Variants in CNTN6 observed in about 807,000 individuals in gnomAD.
CNTN6 encodes the protein contactin-6.
CNTN6 carries 137 observed loss-of-function variants against 122.8 expected under a neutral mutation model. The ratio of observed to expected loss-of-function variants is 1.12; its 90% CI spans 0.97 to 1.29. CNTN6 has a LOEUF of 1.29. CNTN6 is among the 50% of genes most tolerant of loss of function. CNTN6 has a pLI of 0.00. For synonymous variants in CNTN6, 570 were observed against 426.0 expected (o/e 1.34, Z -4.16); for missense variants, 1,634 against 1,223.4 (o/e 1.34, Z -5.01).
At chr3:1,383,619 T>G (rs1158137078) in intron 19 of CNTN6, among the ~76,000 whole-genome samples, 2 of 151,922 alleles carry the variant, frequency 1.3e-5, no homozygotes, top group Non-Finnish European at 2.9e-5. Flanking sequence ...CAAGACAGAA[T>G]TCGAGAGTGA....
At chr3:1,333,502 G>A (rs555005635) in intron 11 of CNTN6, among the ~76,000 whole-genome samples, 1 of 152,108 alleles carries the variant, frequency 6.6e-6, no homozygotes, top group East Asian at 1.9e-4. Flanking sequence ...TAGGAAAAAA[G>A]TTCAAAATTT....
At chr3:1,323,506 A>G (rs1181515225) in intron 8 of CNTN6, among the ~76,000 whole-genome samples, 4 of 151,766 alleles carry the variant, frequency 2.6e-5, no homozygotes, top group African/African-American at 9.7e-5. Flanking sequence ...AGTGCTTTCA[A>G]AAGAAAAGAG....
At chr3:1,125,566 A>G (rs2092130863) in intron 1 of CNTN6, among the ~76,000 whole-genome samples, 2 of 151,856 alleles carry the variant, frequency 1.3e-5, no homozygotes, top group African/African-American at 2.4e-5. Context: ...AATAAAAATG[A>G]CTACTAACCA....
chr3:1,102,853 A>T (rs34055113), intron 1 of CNTN6, among the ~76,000 whole-genome samples: 1,645 of 150,878 alleles, frequency 0.011, 53 homozygotes, highest in African/African-American at 0.038. Context: ...CACGCCTGTA[A>T]TCCCAGCACT....
chr3:1,272,824 C>T (rs777315557), intron 4 of CNTN6, among the ~76,000 whole-genome samples: 2 of 152,160 alleles, frequency 1.3e-5, no homozygotes, highest in Non-Finnish European at 2.9e-5. Context: ...TTTAATTAGG[C>T]TGAGATTCAT....
At chr3:1,351,729 C>G (rs1207281171) in intron 11 of CNTN6, among the ~76,000 whole-genome samples, 3 of 151,764 alleles carry the variant, frequency 2.0e-5, no homozygotes, top group Non-Finnish European at 2.9e-5. Context: ...CCCATGAAGC[C>G]TTATTCTTTC....
rs1267992607 is a variant in CNTN6 at position 1,278,520 on chromosome 3, T to C, written c.454+12T>C. The C allele has an allele frequency of 1.9e-6, 3 of 1,597,938 alleles. No individual in the cohort carries two copies. The highest frequency in any genetic ancestry group is 2.6e-6 in the Non-Finnish European group (3 of 1,167,274). ...GCCACATTTTGGAGGTATGATGGGG[T>C]GATTTGGGTCATATCATCAATGCGG... On this transcript the variant is annotated intron_variant, in intron 5 of 22. Transcript: ENST00000446702.
At chr3:1,254,388 G>A (rs2094719410) in intron 4 of CNTN6, among the ~76,000 whole-genome samples, 1 of 152,114 alleles carries the variant, frequency 6.6e-6, no homozygotes, top group Non-Finnish European at 1.5e-5. Flanking sequence ...TATTTTAAAT[G>A]TTGTGTAGTA....
At chr3:1,276,052 T>G (rs1377216157) in intron 4 of CNTN6, among the ~76,000 whole-genome samples, 1 of 152,184 alleles carries the variant, frequency 6.6e-6, no homozygotes, top group East Asian at 1.9e-4. Context: ...ATAGTAAGGT[T>G]GTTAAAAAAT....
chr3:1,371,500 T>C (rs189544046), intron 12 of CNTN6, among the ~76,000 whole-genome samples: 2 of 152,256 alleles, frequency 1.3e-5, no homozygotes, highest in African/African-American at 4.8e-5. Context: ...TTCTCAACTC[T>C]CTGGAATCAG....
At chr3:1,113,097 TGAG>T (rs1252942705) in intron 1 of CNTN6, among the ~76,000 whole-genome samples, 1 of 152,034 alleles carries the variant, frequency 6.6e-6, no homozygotes, top group Non-Finnish European at 1.5e-5. Flanking sequence ...TGACGTCTCT[TGAG>T]GAGTCTGACA....
At chr3:1,268,840 G>A (rs2094973683) in intron 4 of CNTN6, among the ~76,000 whole-genome samples, 1 of 151,938 alleles carries the variant, frequency 6.6e-6, no homozygotes. Context: ...TTCAAGCTGG[G>A]ATTGGTGGCA....
At chr3:1,308,035 T>G (rs1459683442) in intron 7 of CNTN6, among the ~76,000 whole-genome samples, 1 of 152,114 alleles carries the variant, frequency 6.6e-6, no homozygotes, top group Non-Finnish European at 1.5e-5. Flanking sequence ...GTGTTGTGCT[T>G]CACCTTCTGC....
chr3:1,270,180 G>A (rs1232999976), intron 4 of CNTN6, among the ~76,000 whole-genome samples: 1 of 152,090 alleles, frequency 6.6e-6, no homozygotes, highest in African/African-American at 2.4e-5. Context: ...AAATGAAACT[G>A]GTTTCAGTAG....
At chr3:1,359,569 A>T (rs953873721) in intron 12 of CNTN6, among the ~76,000 whole-genome samples, 1 of 152,030 alleles carries the variant, frequency 6.6e-6, no homozygotes, top group African/African-American at 2.4e-5. Flanking sequence ...TGATTACTTT[A>T]TGCATTGAAA....
At chr3:1,234,325 G>A (rs1202837554) in intron 4 of CNTN6, among the ~76,000 whole-genome samples, 2 of 152,126 alleles carry the variant, frequency 1.3e-5, no homozygotes, top group Non-Finnish European at 2.9e-5. Context: ...CTTGCAGAAG[G>A]ATTCTAAGAT....
At chr3:1,312,195 A>G (rs917876237) in intron 7 of CNTN6, among the ~76,000 whole-genome samples, 1 of 143,152 alleles carries the variant, frequency 7.0e-6, no homozygotes. Flanking sequence ...TCCGAATCTA[A>G]TGTCAAACAT....
intron 11 of CNTN6, among the ~76,000 whole-genome samples, chr3:1,347,739 C>T (rs1376160222): frequency 1.3e-5 from 2 of 152,076 alleles, no homozygotes; most frequent in Non-Finnish European, 2.9e-5. Flanking sequence ...TTAACTTTTA[C>T]AGCAATCACA....
chr3:1,184,363 T>A (rs535461634), intron 2 of CNTN6, among the ~76,000 whole-genome samples: 1 of 152,306 alleles, frequency 6.6e-6, no homozygotes, highest in African/African-American at 2.4e-5. Flanking sequence ...AATGTAGTTC[T>A]AACCCAGAAA....
Sources: gnomAD v4.1 joint callset for allele counts (sites outside exome capture counted in the v4.1 genomes callset) on GRCh38, gnomAD v4.1.1 for gene constraint, MANE v1.5 for transcripts, NCBI Gene and HGNC (gene_info 2026-07-23, HGNC 2026-07-21) for gene names.